Variants in NBPF12 observed in about 807,000 individuals in gnomAD.
NBPF12 encodes NBPF member 12.
A neutral mutation model predicts 146.4 loss-of-function variants in NBPF12; 115 were observed. The observed-to-expected ratio is 0.79, with a 90% CI of 0.68 to 0.92. The LOEUF is 0.92. Among genes scored for constraint, NBPF12 ranks in the 40% least tolerant of loss-of-function variants. The pLI is 0.00. For synonymous variants in NBPF12, 385 were observed against 508.9 expected (o/e 0.76, Z 3.28); for missense variants, 1,205 against 1,326.8 (o/e 0.91, Z 1.43).
chr1:146,966,568 T>G (rs1553885668), exon 9 of NBPF12: 15 of 1,382,782 alleles, frequency 1.1e-5, no homozygotes, highest in Non-Finnish European at 1.5e-5. Flanking sequence ...CAATGAGAAG[T>G]TGCGCCCCCA....
At chr1:146,965,464 C>G (rs1452123027) in intron 8 of NBPF12, among the ~76,000 whole-genome samples, 4 of 150,914 alleles carry the variant, frequency 2.7e-5, no homozygotes, top group Non-Finnish European at 4.4e-5. Flanking sequence ...GCTAGACTCT[C>G]TTTTTCATTG....
chr1:146,973,371 G>A (rs1311889126), intron 14 of NBPF12, among the ~76,000 whole-genome samples: 9 of 151,746 alleles, frequency 5.9e-5, no homozygotes, highest in South Asian at 2.1e-4. Flanking sequence ...GGCCCAATAC[G>A]CAAAGCTCTG....
intron 19 of NBPF12, among the ~76,000 whole-genome samples, chr1:146,980,782 G>T (rs1657322157): frequency 6.9e-6 from 1 of 144,936 alleles, no homozygotes; most frequent in Non-Finnish European, 1.5e-5. Flanking sequence ...ATTACTGGGT[G>T]TATACCCAAA....
Position 146,970,530 on chromosome 1 carries a change from A to C in NBPF12, c.1307-117A>C, listed in dbSNP as rs1570859110. The C allele has an allele frequency of 1.0e-4, 140 of 1,336,088 alleles. 2 individuals carry two copies. The East Asian group carries it at 3.3e-3, about 31-fold the overall frequency. 82.8% of individuals were successfully genotyped at this position (1,336,088 alleles called of 1,614,324 possible). A position where few individuals can be genotyped will look rare whatever the true frequency, so the allele number is the denominator to read the frequency against. On this transcript the variant is annotated intron_variant, in intron 11 of 33. Coordinates refer to ENST00000617844, the Ensembl canonical transcript of NBPF12. Reference sequence around the variant, plus strand: ...CATTTTGTGAAAGATAAAACATGAGAGTTTTCAGTACAATGCTGAACCATA... The same window carrying C: ...CATTTTGTGAAAGATAAAACATGAGCGTTTTCAGTACAATGCTGAACCATA...
chr1:146,958,179 C>T (rs1282338500), intron 2 of NBPF12, among the ~76,000 whole-genome samples: 2 of 115,282 alleles, frequency 1.7e-5, no homozygotes, highest in Admixed American at 2.0e-4. Flanking sequence ...ATGTTCCCCG[C>T]CCTGTGTCCA....
At chr1:146,969,177 T>C (rs1265285521) in intron 10 of NBPF12, among the ~76,000 whole-genome samples, 1 of 151,316 alleles carries the variant, frequency 6.6e-6, no homozygotes, top group Non-Finnish European at 1.5e-5. Flanking sequence ...TCATCGAGGA[T>C]CTTGCAGGAG....
chr1:146,988,212 G>A, intron 26 of NBPF12, 86 bp downstream of exon 29: 1 of 403,256 alleles, frequency 2.5e-6, no homozygotes, highest in African/African-American at 4.6e-5. Flanking sequence ...CCATTACTGA[G>A]CTGAGAGATG....
upstream of NBPF12, among the ~76,000 whole-genome samples, chr1:146,944,910 TCCTCCCTCCCTCCCTG>T (rs1369421357): frequency 7.0e-3 from 505 of 71,652 alleles, 13 homozygotes; most frequent in African/African-American, 0.028. Context: ...CTTCCTCCCT[TCCTCCCTCCCTCCCTG>T]CCTCCCTCCC....
intron 19 of NBPF12, among the ~76,000 whole-genome samples, chr1:146,982,503 A>G (rs1198804587): frequency 1.3e-5 from 2 of 151,764 alleles, no homozygotes; most frequent in Non-Finnish European, 2.9e-5. Context: ...TAAATATATT[A>G]TATCAAAATA....
intron 2 of NBPF12, among the ~76,000 whole-genome samples, chr1:146,952,595 G>A (rs1655371530): frequency 6.7e-6 from 1 of 149,532 alleles, no homozygotes; most frequent in East Asian, 2.0e-4. Context: ...GGGGATATTA[G>A]TGTCACCTAG....
chr1:146,957,840 TA>T (rs1276062912), intron 2 of NBPF12, among the ~76,000 whole-genome samples: 5 of 103,854 alleles, frequency 4.8e-5, no homozygotes, highest in African/African-American at 1.7e-4. Context: ...AAAAAAAATA[TA>T]ATATATATAT....
At chr1:146,980,218 G>T (rs1657283166) in intron 19 of NBPF12, among the ~76,000 whole-genome samples, 2 of 152,158 alleles carry the variant, frequency 1.3e-5, no homozygotes, top group South Asian at 4.2e-4. Flanking sequence ...CTCTGCATGT[G>T]AGATGGGTTT....
intron 11 of NBPF12, 121 bp downstream of exon 14, chr1:146,969,717 A>T: frequency 6.4e-7 from 1 of 1,561,808 alleles, no homozygotes; most frequent in African/African-American, 1.4e-5. Context: ...ATGTGTGGCC[A>T]TGACATGACC....
At chr1:146,992,512 GTC>G (rs1467862191) in intron 31 of NBPF12, among the ~76,000 whole-genome samples, 198 bp from the exon 35 acceptor site, 9 of 114,664 alleles carry the variant, frequency 7.8e-5, no homozygotes, top group African/African-American at 3.5e-4. Context: ...GTGTGTGTGT[GTC>G]TATCTGTCTT....
chr1:146,963,204 C>T (rs1306113290), exon 6 of NBPF12: 1 of 1,598,806 alleles, frequency 6.3e-7, no homozygotes, highest in African/African-American at 1.3e-5. Context: ...TCTCCAGGCC[C>T]TCCTCACTCC....
rs1248964958 is a variant in NBPF12, at chr1:146,960,254, C to G, written c.111C>G (p.Asn37Lys). The G allele has an allele frequency of 1.2e-3, 1,688 of 1,413,186 alleles. 25 individuals are homozygous for G. The African/African-American group carries it at 0.02, about 17-fold the overall frequency. 87.5% of individuals were successfully genotyped at this position (1,413,186 alleles called of 1,614,324 possible). ...CAGAGAACAAACAGCAGTTCAGAAA[C>G]CTCAAAGAGAGATGTTTTCTAACTC... Residue 37 changes from asparagine (N) to lysine (K), a missense_variant, in exon 4 of 34, where the codon AAC becomes AAG. Asn to Lys is a moderately conservative substitution (Grantham distance 94). Coordinates refer to ENST00000617844, the Ensembl canonical transcript of NBPF12.
At chr1:146,952,760 T>C (rs1456108709) in intron 2 of NBPF12, among the ~76,000 whole-genome samples, 1 of 149,184 alleles carries the variant, frequency 6.7e-6, no homozygotes, top group South Asian at 2.2e-4. Flanking sequence ...CACTTCTAGT[T>C]AGGTTTAGCA....
At chr1:146,983,874 A>AT (rs1325993756) in intron 20 of NBPF12, among the ~76,000 whole-genome samples, 1 of 138,852 alleles carries the variant, frequency 7.2e-6, no homozygotes, top group African/African-American at 2.7e-5. Context: ...AAAATTGCTC[A>AT]TTTGTGTACA....
chr1:146,942,087 G>A (rs1483351576), intron 1 of NBPF12, among the ~76,000 whole-genome samples: 2 of 150,230 alleles, frequency 1.3e-5, no homozygotes, highest in Admixed American at 6.6e-5. Flanking sequence ...CAAACCCTTG[G>A]GCTCAAGTAG....
Sources: allele counts gnomAD v4.1 joint callset (sites outside exome capture counted in the v4.1 genomes callset), GRCh38; gene constraint gnomAD v4.1.1; transcripts MANE v1.5; gene names NCBI Gene and HGNC (gene_info 2026-07-23, HGNC 2026-07-21).